Variants in PLXNA4 observed in about 807,000 individuals in gnomAD.
PLXNA4 encodes plexin-A4.
A neutral mutation model predicts 191.8 loss-of-function variants in PLXNA4; 44 were observed. The observed-to-expected ratio is 0.23, with a 90% CI of 0.18 to 0.29. The LOEUF is 0.29. PLXNA4 is among the 10% of genes least tolerant of loss of function. The probability of loss-of-function intolerance (pLI) is 1.00; values close to 1 mark genes in which losing one functional copy is unlikely to be tolerated. For missense variants in PLXNA4, 1,800 were observed against 2,488.8 expected, an observed-to-expected ratio of 0.72 and a Z score of 5.89; for synonymous variants, 1,082 against 1,009.5, an observed-to-expected ratio of 1.07 and a Z score of -1.36.
intron 2 of PLXNA4, among the ~76,000 whole-genome samples, chr7:132,625,794 A>G (rs1803358656): frequency 6.6e-6 from 1 of 152,226 alleles, no homozygotes; most frequent in Admixed American, 6.5e-5. Context: ...AAATATCCAC[A>G]TATTGCTGCA....
At chr7:132,518,689 G>A (rs1799045232) in intron 1 of PLXNA4, among the ~76,000 whole-genome samples, 1 of 152,194 alleles carries the variant, frequency 6.6e-6, no homozygotes, top group South Asian at 2.1e-4. Flanking sequence ...TATTAAAAGG[G>A]GATGAGGAGA....
Position 132,421,458 on chromosome 7 carries a change from C to T in PLXNA4, c.1371+67834G>A, listed in dbSNP as rs549730536. Among the ~76,000 whole-genome samples the T allele has an allele frequency of 2.0e-5, 3 of 152,280 alleles. No individual in the cohort carries two copies. The South Asian group carries it at 6.2e-4, about 32-fold the overall frequency. On this transcript the variant is annotated intron_variant, in intron 3 of 31. Coordinates refer to ENST00000321063, the MANE Select transcript of PLXNA4 (RefSeq NM_020911.2). Reference sequence around the variant, plus strand: ...TCATCACTCTGCCCCTAGAAAATTCCCCCGTTCTGCTCACCCTCTCTGTCT... The same window carrying T: ...TCATCACTCTGCCCCTAGAAAATTCTCCCGTTCTGCTCACCCTCTCTGTCT...
chr7:132,507,404 C>T (rs1798509619), intron 2 of PLXNA4, 102 bp downstream of exon 2: 12 of 1,314,202 alleles, frequency 9.1e-6, no homozygotes, highest in Non-Finnish European at 1.2e-5. Flanking sequence ...CTCACTTCAT[C>T]TGCAAAAGGG....
At chr7:132,366,530 A>C (rs1455191767) in intron 3 of PLXNA4, among the ~76,000 whole-genome samples, 2 of 152,058 alleles carry the variant, frequency 1.3e-5, no homozygotes, top group Non-Finnish European at 2.9e-5. Context: ...TCTCAATTAA[A>C]AAAAAAAGAG....
chr7:132,129,654 T>C lies in PLXNA4; in HGVS notation c.*825A>G, dbSNP rs912642126. On this transcript the variant is annotated 3_prime_UTR_variant, in exon 32 of 32. Coordinates refer to ENST00000321063, the MANE Select transcript of PLXNA4 (RefSeq NM_020911.2). The stretch of plus-strand genomic sequence containing the variant: ...GCTTCCAGGGTAGATGCAACTCTCT[T>C]TCCTTTTCTCCCCCTGTGTTACATT... The C allele has an allele frequency of 2.0e-5, 3 of 152,648 alleles. No homozygotes were observed. The highest frequency in any genetic ancestry group is 4.4e-5 in the Non-Finnish European group (3 of 68,046). 9.5% of individuals were successfully genotyped at this position (152,648 alleles called of 1,614,324 possible).
In PLXNA4 at chr7:132,168,479, T is replaced by A. The variant is rs2116666052; in HGVS notation, c.4111A>T (p.Thr1371Ser). The stretch of plus-strand genomic sequence containing the variant: ...GAGAAGCTACGCTGGGACTCAAGCG[T>A]GCGGATGAAGGACAGCAGGAACACC... ...NKVFLLSFIR[T>S]LESQRSFSMR... Residue 1371 changes from threonine (T) to serine (S), a missense_variant, in exon 22 of 32, where the codon ACG becomes TCG. By Grantham distance (58) the Thr-to-Ser change is moderately conservative. Around this residue, in one of 6 missense-constraint regions of PLXNA4, gnomAD observed 1,397 missense variants for 1,880.4 expected, o/e 0.74. Coordinates refer to ENST00000321063, the MANE Select transcript of PLXNA4 (RefSeq NM_020911.2). 1 of 1,613,860 alleles carries A rather than the reference T, an allele frequency of 6.2e-7. No individual in the cohort carries two copies. Among genetic ancestry groups the A allele is most frequent in the East Asian group, 2.2e-5 (1 of 44,850 alleles).
At chr7:132,275,228 A>G (rs1800228161) in intron 4 of PLXNA4, among the ~76,000 whole-genome samples, 1 of 152,108 alleles carries the variant, frequency 6.6e-6, no homozygotes, top group East Asian at 1.9e-4. Context: ...AAATCTTTTT[A>G]TTTTGAAGCA....
At chr7:132,131,074 T>C (rs1016729745) in intron 31 of PLXNA4, among the ~76,000 whole-genome samples, 5 of 152,196 alleles carry the variant, frequency 3.3e-5, no homozygotes, top group African/African-American at 1.2e-4. Flanking sequence ...TAGAAAGTCA[T>C]TTGTTTTCAC....
chr7:132,319,439 AT>A (rs1238248775), intron 3 of PLXNA4, among the ~76,000 whole-genome samples: 1 of 151,744 alleles, frequency 6.6e-6, no homozygotes, highest in Admixed American at 6.6e-5. Flanking sequence ...TTCCTTGTAA[AT>A]TATAATTCTC....
chr7:132,130,707 C>T (rs1354396310), intron 31 of PLXNA4, 133 bp from the exon 32 acceptor site: 18 of 1,358,936 alleles, frequency 1.3e-5, no homozygotes, highest in Non-Finnish European at 1.7e-5. Flanking sequence ...ACACAGGACA[C>T]TGCGGGGTAG....
At chr7:132,445,298 C>T (rs1795863435) in intron 3 of PLXNA4, among the ~76,000 whole-genome samples, 1 of 151,878 alleles carries the variant, frequency 6.6e-6, no homozygotes, top group Admixed American at 6.6e-5. Flanking sequence ...CGAGCAGATG[C>T]AAAGAGACTT....
chr7:132,471,334 G>A (rs1355241994), intron 3 of PLXNA4, among the ~76,000 whole-genome samples: 1 of 152,190 alleles, frequency 6.6e-6, no homozygotes, highest in Non-Finnish European at 1.5e-5. Flanking sequence ...CAAGAACGGT[G>A]TAATACAAAT....
intron 1 of PLXNA4, among the ~76,000 whole-genome samples, chr7:132,575,413 T>C (rs1395978056): frequency 6.6e-6 from 1 of 152,146 alleles, no homozygotes. Flanking sequence ...CGGTGGGCAG[T>C]GCCGCCACGG....
chr7:132,324,115 A>G (rs778927595), intron 3 of PLXNA4, among the ~76,000 whole-genome samples: 1 of 152,224 alleles, frequency 6.6e-6, no homozygotes, highest in Non-Finnish European at 1.5e-5. Context: ...AACTGCAGAC[A>G]AGGATGTTGA....
At chr7:132,582,349 G>A (rs553506003) in intron 2 of PLXNA4, among the ~76,000 whole-genome samples, 3 of 152,236 alleles carry the variant, frequency 2.0e-5, no homozygotes, top group African/African-American at 7.2e-5. Context: ...GTTGCCAGGT[G>A]GTCTGAGTGT....
intron 3 of PLXNA4, among the ~76,000 whole-genome samples, chr7:132,322,593 T>C (rs150932753): frequency 4.7e-4 from 71 of 152,344 alleles, no homozygotes; most frequent in African/African-American, 1.6e-3. Flanking sequence ...CTAAACATCC[T>C]GGTGCAATTT....
chr7:132,461,908 T>C (rs1019568273), intron 3 of PLXNA4, among the ~76,000 whole-genome samples: 1 of 152,256 alleles, frequency 6.6e-6, no homozygotes, highest in Admixed American at 6.5e-5. Flanking sequence ...AATGCCGATC[T>C]ACTAGGGGAC....
Position 132,341,112 on chromosome 7 carries a change from G to A in PLXNA4, c.1372-42890C>T, listed in dbSNP as rs142340245. Among the ~76,000 whole-genome samples the A allele has an allele frequency of 4.6e-3, 699 of 152,288 alleles. 5 individuals carry two copies. Among genetic ancestry groups the A allele is most frequent in the African/African-American group, 0.016 (669 of 41,568 alleles). ...TGACCCCTATCCAGGCCCTACCCCTGAATGACTGCTAAGAGTTGGGGAGAC... is the reference window on the plus strand; with the variant it reads ...TGACCCCTATCCAGGCCCTACCCCTAAATGACTGCTAAGAGTTGGGGAGAC... On this transcript the variant is annotated intron_variant, in intron 3 of 31. Coordinates refer to ENST00000321063, the MANE Select transcript of PLXNA4 (RefSeq NM_020911.2).
At chr7:132,484,394 T>C (rs1797458347) in intron 3 of PLXNA4, among the ~76,000 whole-genome samples, 1 of 152,204 alleles carries the variant, frequency 6.6e-6, no homozygotes. Context: ...ATCTTCTGCC[T>C]GGAGCCCTTC....
Sources: allele counts gnomAD v4.1 joint callset (sites outside exome capture counted in the v4.1 genomes callset), GRCh38; gene constraint gnomAD v4.1.1; regional missense constraint gnomAD v4.1.1; transcripts MANE v1.5; gene names NCBI Gene and HGNC (gene_info 2026-07-23, HGNC 2026-07-21).